The following AATK variants were observed in gnomAD, a reference collection of about 807,000 sequenced individuals.
AATK encodes serine/threonine-protein kinase LMTK1.
In AATK, 91 loss-of-function variants were observed where a neutral mutation model predicts 114.3. The ratio of observed to expected loss-of-function variants is 0.80; its 90% CI spans 0.67 to 0.95. The LOEUF is 0.95. AATK is among the 40% of genes least tolerant of loss of function. The probability of loss-of-function intolerance (pLI) is 0.00; values close to 1 mark genes in which losing one functional copy is unlikely to be tolerated. For missense variants in AATK, 2,176 were observed against 1,965.2 expected, an observed-to-expected ratio of 1.11 and a Z score of -2.03; for synonymous variants, 1,075 against 916.5, an observed-to-expected ratio of 1.17 and a Z score of -3.12.
At position 81,122,257 on chromosome 17, in the gene AATK, T is replaced by C. The variant is rs1258638221; in HGVS notation, c.1679A>G (p.Gln560Arg). 1.5e-5 allele frequency: 22 copies of C among 1,491,446 alleles called. No homozygotes were observed. Among genetic ancestry groups the C allele is most frequent in the Non-Finnish European group, 1.7e-5 (19 of 1,125,112 alleles). The allele number at this position is 1,491,446 out of a possible 1,614,324, so 92.4% of individuals were successfully genotyped here. ...GGTGCTGCCGTCAGAGTCGTCGTCC[T>C]GGTCCGCGGTGGCAGGTGGACTGGG... Reference protein sequence around the residue: ...CAPSPPATADQDDDSDGSTAA... With the variant: ...CAPSPPATADRDDDSDGSTAA... The change falls in exon 11 of 14, where the codon CAG (glutamine) becomes CGG (arginine). Residue 560 changes from glutamine (Q) to arginine (R), a missense_variant. Gln to Arg is a conservative substitution (Grantham distance 43). Transcript: ENST00000326724.
At chr17:81,148,422 G>A (rs146117038) in intron 1 of AATK, among the ~76,000 whole-genome samples, 58 of 152,334 alleles carry the variant, frequency 3.8e-4, no homozygotes, top group Middle Eastern at 3.4e-3. Flanking sequence ...GCCTGATGTG[G>A]TCCTTGGAGG....
chr17:81,123,575 G>A (rs8069877), intron 9 of AATK, among the ~76,000 whole-genome samples: 1 of 152,198 alleles, frequency 6.6e-6, no homozygotes, highest in Non-Finnish European at 1.5e-5. Flanking sequence ...CATAAAGGCC[G>A]GGCTGGCCGA....
intron 3 of AATK, among the ~76,000 whole-genome samples, chr17:81,130,656 A>G (rs2060915663): frequency 6.6e-6 from 1 of 152,028 alleles, no homozygotes; most frequent in Admixed American, 6.5e-5. Context: ...GCATCCCTGG[A>G]CTGCAGAAGA....
chr17:81,129,485 G>A (rs1291841314), intron 3 of AATK, among the ~76,000 whole-genome samples: 4 of 152,178 alleles, frequency 2.6e-5, no homozygotes, highest in African/African-American at 7.2e-5. Flanking sequence ...GGTCCCCAGC[G>A]GGTGGGGCCA....
intron 1 of AATK, among the ~76,000 whole-genome samples, chr17:81,159,872 G>A (rs1267126245): frequency 6.6e-6 from 1 of 152,088 alleles, no homozygotes; most frequent in Non-Finnish European, 1.5e-5. Flanking sequence ...AGGGCTACCC[G>A]ATACCAGGGA....
Position 81,165,945 on chromosome 17 carries a change from G to A in AATK, c.48C>T (p.Phe16=), listed in dbSNP as rs573922340. 2.7e-5 allele frequency: 42 copies of A among 1,582,752 alleles called. 1 individual carries two copies. The South Asian group carries it at 4.6e-4, about 17-fold the overall frequency. The change falls in exon 1 of 14, where the codon TTC becomes TTT. Residue 16 remains phenylalanine (F), a synonymous_variant. Transcript: ENST00000326724. ...FNPSFAFSSH[F]DPDGAPLSEL... ...GGGCCGCCAGGGACTCACCGGGGTC[G>A]AAGTGCGAGCTGAAGGCGAAGCTGG...
chr17:81,155,433 G>C (rs2061349542), intron 1 of AATK, among the ~76,000 whole-genome samples: 1 of 151,906 alleles, frequency 6.6e-6, no homozygotes, highest in African/African-American at 2.4e-5. Flanking sequence ...TGTCGCCCAA[G>C]TTGGAGTGCA....
chr17:81,119,676 AT>A (rs2060667235), intron 12 of AATK, 96 bp from the exon 13 acceptor site: 1 of 550,300 alleles, frequency 1.8e-6, no homozygotes, highest in Non-Finnish European at 2.4e-6. Flanking sequence ...GCCTCCCATC[AT>A]GTCACGGGCC....
intron 1 of AATK, among the ~76,000 whole-genome samples, chr17:81,143,038 C>T (rs1005776707): frequency 2.6e-5 from 4 of 152,240 alleles, no homozygotes; most frequent in Non-Finnish European, 5.9e-5. Context: ...ATGGCGCCTA[C>T]TCAGCACAGA....
chr17:81,132,909 C>T (rs1042669003), intron 2 of AATK: 1 of 247,096 alleles, frequency 4.0e-6, no homozygotes, highest in East Asian at 1.5e-4. Context: ...TATGGCCAGC[C>T]CTTGTTTGGG....
At position 81,122,665 on chromosome 17, in the gene AATK, A is replaced by G; in HGVS notation, c.1271T>C (p.Val424Ala). Residue 424 changes from valine (V) to alanine (A), a missense_variant, in exon 11 of 14, where the codon GTG becomes GCG. Physicochemically the swap from Val to Ala is moderately conservative, Grantham distance 64. Around this residue, in one of 4 missense-constraint regions of AATK, gnomAD observed 1,701 missense variants for 1,394.7 expected, o/e 1.22. Coordinates refer to ENST00000326724, the MANE Select transcript of AATK (RefSeq NM_001080395.3). ...CCCCGCCGCACCGGGCCCGGGCCCC[A>G]CGCCGCCCCCGCCGGGCCGCAGAGA... is the stretch of plus-strand genomic sequence containing the variant. Reference protein sequence around the residue: ...WRSLRPGGGGVGPGPGAAGPM... With the variant: ...WRSLRPGGGGAGPGPGAAGPM... The G allele has an allele frequency of 4.6e-6, 7 of 1,505,750 alleles. No homozygotes were observed. The East Asian group carries it at 8.1e-5, about 18-fold the overall frequency. The allele number at this position is 1,505,750 out of a possible 1,614,324, so 93.3% of individuals were successfully genotyped here.
intron 1 of AATK, among the ~76,000 whole-genome samples, chr17:81,153,679 T>C (rs2061325730): frequency 6.6e-6 from 1 of 152,098 alleles, no homozygotes; most frequent in Non-Finnish European, 1.5e-5. Flanking sequence ...ATGAGGCCCA[T>C]GCGCAATGGA....
intron 1 of AATK, among the ~76,000 whole-genome samples, chr17:81,150,786 G>A (rs746098168): frequency 2.6e-4 from 39 of 152,310 alleles, no homozygotes; most frequent in African/African-American, 3.8e-4. Flanking sequence ...GGTGGGCCTC[G>A]GCAGGGCATC....
chr17:81,145,544 C>G (rs904749850), intron 1 of AATK, among the ~76,000 whole-genome samples: 27 of 151,528 alleles, frequency 1.8e-4, no homozygotes, highest in African/African-American at 5.8e-4. Flanking sequence ...GCCAGCCTGA[C>G]CAATATGATG....
At position 81,122,018 on chromosome 17, in the gene AATK, CGAA is replaced by C; in HGVS notation, c.1915_1917del (p.Phe639del). On this transcript the variant is annotated inframe_deletion, in exon 11 of 14. Coordinates refer to ENST00000326724, the MANE Select transcript of AATK (RefSeq NM_001080395.3). ...AAAGGGGACGTGCCCAGTGGGTCCT[CGAA>C]GAAGGCAGGACAGAAGGCGGCCACG... The C allele has an allele frequency of 1.9e-6, 3 of 1,600,874 alleles. No homozygotes were observed. The highest frequency in any genetic ancestry group is 1.7e-4 in the Middle Eastern group (1 of 6,046).
chr17:81,122,954 A>G, intron 10 of AATK, 131 bp from the exon 11 acceptor site: 1 of 1,001,138 alleles, frequency 1.0e-6, no homozygotes. Context: ...CTTAATTGAC[A>G]CCCCAAATCT....
At chr17:81,125,337 G>C in intron 7 of AATK, 1 of 691,466 alleles carries the variant, frequency 1.4e-6, no homozygotes, top group Non-Finnish European at 2.8e-6. Flanking sequence ...ACCGGTCCAC[G>C]CTTCTCCAGG....
intron 10 of AATK, 37 bp downstream of exon 10, chr17:81,123,157 G>C: frequency 7.1e-7 from 1 of 1,405,190 alleles, no homozygotes; most frequent in Non-Finnish European, 9.2e-7. Flanking sequence ...ACCCCATCTC[G>C]GCCTGGCTGT....
intron 1 of AATK, among the ~76,000 whole-genome samples, chr17:81,139,318 G>T (rs762238494): frequency 1.1e-4 from 16 of 152,298 alleles, no homozygotes; most frequent in Non-Finnish European, 1.8e-4. Flanking sequence ...TAGCAGGTGG[G>T]GAGGCCTCTG....
Sources: allele counts gnomAD v4.1 joint callset (sites outside exome capture counted in the v4.1 genomes callset), GRCh38; gene constraint gnomAD v4.1.1; regional missense constraint gnomAD v4.1.1; transcripts MANE v1.5; gene names NCBI Gene and HGNC (gene_info 2026-07-23, HGNC 2026-07-21).